HDAC4: variants seen among roughly 807,000 people sequenced by gnomAD.
The protein encoded by HDAC4 is histone deacetylase 4, also known as histone deacetylase A.
A neutral mutation model predicts 135.1 loss-of-function variants in HDAC4; 16 were observed. The ratio of observed to expected loss-of-function variants is 0.12; its 90% CI spans 0.08 to 0.18. The LOEUF (loss-of-function observed/expected upper bound fraction) is 0.18. Among genes scored for constraint, HDAC4 ranks in the 10% least tolerant of loss-of-function variants. HDAC4 has a pLI of 1.00. For missense variants in HDAC4, 1,143 were observed against 1,511.8 expected (o/e 0.76, Z 4.05); for synonymous variants, 685 against 653.4 (o/e 1.05, Z -0.74).
In HDAC4 at chr2:239,060,977, C is replaced by G. The variant is rs79166851; in HGVS notation, c.3003+5745G>C. On this transcript the variant is annotated intron_variant, in intron 24 of 26. Coordinates refer to ENST00000543185, the MANE Select transcript of HDAC4 (RefSeq NM_001378414.1). The stretch of plus-strand genomic sequence containing the variant: ...ACAGCTCCTTCAACTCTGAAGGCCA[C>G]GAGGCTGGGCTCTGTCTTGCTGAAA... Among the ~76,000 whole-genome samples the G allele has an allele frequency of 3.6e-3, 554 of 152,364 alleles. 2 individuals are homozygous for G. The highest frequency in any genetic ancestry group is 0.013 in the African/African-American group (527 of 41,594).
At chr2:239,168,282 T>C (rs1259996540) in intron 5 of HDAC4, among the ~76,000 whole-genome samples, 2 of 152,100 alleles carry the variant, frequency 1.3e-5, no homozygotes, top group African/African-American at 4.8e-5. Flanking sequence ...CTGTATTCGC[T>C]CCACACTGCT....
rs751408182 is a variant in HDAC4 at position 239,126,411 on chromosome 2, A to G, written c.1533+45T>C. The G allele has an allele frequency of 5.0e-6, 8 of 1,612,054 alleles. No homozygotes were observed. The South Asian group carries it at 5.5e-5, about 11-fold the overall frequency. On this transcript the variant is annotated intron_variant, in intron 12 of 26. Coordinates refer to ENST00000543185, the MANE Select transcript of HDAC4 (RefSeq NM_001378414.1). ...GAAGCCTGAGGCTGAAGCGCACAGC[A>G]CACAGCCGCCCTGGGGCCTGGGAGC... is the stretch of plus-strand genomic sequence containing the variant.
At chr2:239,185,375 C>T (rs1186298754) in intron 4 of HDAC4, among the ~76,000 whole-genome samples, 1 of 149,874 alleles carries the variant, frequency 6.7e-6, no homozygotes, top group Admixed American at 6.6e-5. Flanking sequence ...AGACATGTGC[C>T]CTGCAGGGGG....
At chr2:239,329,108 G>A (rs769389446) in intron 2 of HDAC4, among the ~76,000 whole-genome samples, 2 of 152,192 alleles carry the variant, frequency 1.3e-5, no homozygotes, top group Non-Finnish European at 2.9e-5. Flanking sequence ...GATGGAGGCA[G>A]GCGGCATGGA....
intron 2 of HDAC4, among the ~76,000 whole-genome samples, chr2:239,276,483 C>T (rs2050372547): frequency 6.6e-6 from 1 of 152,226 alleles, no homozygotes; most frequent in African/African-American, 2.4e-5. Context: ...CCCAACTAGG[C>T]CAGAGATTGC....
At chr2:239,062,383 G>A (rs2032882863) in intron 24 of HDAC4, among the ~76,000 whole-genome samples, 2 of 152,242 alleles carry the variant, frequency 1.3e-5, no homozygotes, top group African/African-American at 2.4e-5. Flanking sequence ...CTGGCACACT[G>A]TATATCAACC....
intron 6 of HDAC4, among the ~76,000 whole-genome samples, chr2:239,160,254 A>G (rs745524674): frequency 6.6e-6 from 1 of 152,222 alleles, no homozygotes; most frequent in African/African-American, 2.4e-5. Flanking sequence ...CGATATAAAC[A>G]TATTAATAAG....
intron 20 of HDAC4, among the ~76,000 whole-genome samples, 196 bp downstream of exon 20, chr2:239,083,959 C>T (rs1359556417): frequency 6.6e-6 from 1 of 152,246 alleles, no homozygotes; most frequent in Non-Finnish European, 1.5e-5. Flanking sequence ...ACCCCATTCG[C>T]CAGGGTCGGC....
intron 6 of HDAC4, 143 bp downstream of exon 6, chr2:239,163,660 C>T (rs1575251368): frequency 1.1e-6 from 1 of 885,956 alleles, no homozygotes; most frequent in Non-Finnish European, 1.9e-6. Flanking sequence ...CACATCCGAG[C>T]ACCACTGTGC....
At chr2:239,095,228 G>A (rs538959930) in intron 16 of HDAC4, among the ~76,000 whole-genome samples, 172 bp from the exon 17 acceptor site, 2 of 152,314 alleles carry the variant, frequency 1.3e-5, no homozygotes, top group Non-Finnish European at 2.9e-5. Context: ...TCAGTGTCTG[G>A]CCCTTAGAGG....
chr2:239,096,944 G>A (rs1428796771), intron 16 of HDAC4, among the ~76,000 whole-genome samples: 1 of 152,186 alleles, frequency 6.6e-6, no homozygotes, highest in East Asian at 1.9e-4. Flanking sequence ...AGGGAGCAGG[G>A]CAGGAGGCAG....
chr2:239,345,811 A>C (rs1490050928), intron 2 of HDAC4, among the ~76,000 whole-genome samples: 2 of 147,154 alleles, frequency 1.4e-5, no homozygotes, highest in Non-Finnish European at 3.0e-5. Context: ...ACACACATAC[A>C]CATCGTCTAA....
chr2:239,088,547 T>C (rs1173372871), intron 18 of HDAC4, among the ~76,000 whole-genome samples: 3 of 152,210 alleles, frequency 2.0e-5, no homozygotes, highest in Non-Finnish European at 2.9e-5. Context: ...CTATGTACTC[T>C]TTTCACTGCC....
At chr2:239,232,375 T>C (rs1466883279) in intron 3 of HDAC4, among the ~76,000 whole-genome samples, 1 of 152,216 alleles carries the variant, frequency 6.6e-6, no homozygotes, top group Non-Finnish European at 1.5e-5. Context: ...GTCCTCAAAC[T>C]GCAACATCTC....
rs1308335327 is a variant in HDAC4, at chr2:239,262,702, G to A, written c.23-26038C>T. On this transcript the variant is annotated intron_variant, in intron 2 of 26. Coordinates refer to ENST00000543185, the MANE Select transcript of HDAC4 (RefSeq NM_001378414.1). This position sits in a 1 kb window ranked among gnomAD's most constrained non-coding sequence, Gnocchi z 4.1. ...CACCACAAGCGGGACACCCCCAAGG[G>A]TGCACACGGCTGAAGGCGCAACGGG... is the stretch of plus-strand genomic sequence containing the variant. 6.6e-6 allele frequency among the ~76,000 whole-genome samples: 1 copy of A among 152,216 alleles called. No individual in the cohort carries two copies. The highest frequency in any genetic ancestry group is 1.9e-4 in the East Asian group (1 of 5,172).
intron 1 of HDAC4, among the ~76,000 whole-genome samples, chr2:239,378,874 G>A (rs1386410302): frequency 6.6e-6 from 1 of 152,212 alleles, no homozygotes; most frequent in African/African-American, 2.4e-5. Context: ...TTCGAACAAA[G>A]AGGACACACC....
intron 3 of HDAC4, among the ~76,000 whole-genome samples, chr2:239,226,938 C>T (rs1402641583): frequency 6.6e-6 from 1 of 152,236 alleles, no homozygotes; most frequent in Non-Finnish European, 1.5e-5. Flanking sequence ...GTCAGGATCC[C>T]TCCAAGATTC....
intron 1 of HDAC4, among the ~76,000 whole-genome samples, chr2:239,395,593 C>T (rs912509797): frequency 6.6e-6 from 1 of 152,142 alleles, no homozygotes; most frequent in South Asian, 2.1e-4. Context: ...TACAATACCA[C>T]CATGTATAAA....
rs560741745 is a variant in HDAC4, at chr2:239,076,111, A to G, written c.2750+4984T>C. ...GCCACTCCCCTCAGCTTCCGGGGAA[A>G]CAAAGCTGGGCCGGGATAGCAGTAG... On this transcript the variant is annotated intron_variant, in intron 22 of 26. Coordinates refer to ENST00000543185, the MANE Select transcript of HDAC4 (RefSeq NM_001378414.1). 3.9e-5 allele frequency among the ~76,000 whole-genome samples: 6 copies of G among 151,910 alleles called. No individual in the cohort carries two copies. In the East Asian group the frequency reaches 1.2e-3, roughly 30 times the overall value.
Sources: allele counts gnomAD v4.1 joint callset (sites outside exome capture counted in the v4.1 genomes callset), GRCh38; gene constraint gnomAD v4.1.1; non-coding constraint Gnocchi (gnomAD v3.1); transcripts MANE v1.5; gene names NCBI Gene and HGNC (gene_info 2026-07-23, HGNC 2026-07-21).